GPCPD1: variants seen among roughly 807,000 people sequenced by gnomAD.
The protein encoded by GPCPD1 is glycerophosphocholine phosphodiesterase 1, also known as glycerophosphocholine phosphodiesterase GPCPD1.
GPCPD1 carries 29 observed loss-of-function variants against 89.2 expected under a neutral mutation model. The ratio of observed to expected loss-of-function variants is 0.33; its 90% CI spans 0.24 to 0.44. GPCPD1 has a LOEUF of 0.44. GPCPD1 is among the 20% of genes least tolerant of loss of function. The pLI is 1.00. For synonymous variants in GPCPD1, 258 were observed against 266.3 expected, an observed-to-expected ratio of 0.97 and a Z score of 0.30; for missense variants, 594 against 808.9, an observed-to-expected ratio of 0.73 and a Z score of 3.22.
rs1312993766 is a variant in GPCPD1 at position 5,588,589 on chromosome 20, C to T, written c.232-2320G>A. On this transcript the variant is annotated intron_variant, in intron 4 of 19. Transcript: ENST00000379019. Reference sequence around the variant, plus strand: ...CCTGTAATCCCAGCACTTAGGGAGGCCAAGGCAGGCAGATCACTTGAGGTC... The same window carrying T: ...CCTGTAATCCCAGCACTTAGGGAGGTCAAGGCAGGCAGATCACTTGAGGTC... Among the ~76,000 whole-genome samples the T allele has an allele frequency of 6.0e-4, 92 of 152,096 alleles. 1 individual carries two copies. The highest frequency in any genetic ancestry group is 6.0e-3 in the Admixed American group (91 of 15,272).
intron 3 of GPCPD1, among the ~76,000 whole-genome samples, chr20:5,598,034 AAAG>A (rs749735532): frequency 1.4e-4 from 21 of 152,192 alleles, no homozygotes; most frequent in African/African-American, 4.8e-4. Context: ...AAAAAATTAA[AAAG>A]AAGAAAATAA....
chr20:5,555,548 A>T (rs1985712785), intron 19 of GPCPD1, among the ~76,000 whole-genome samples: 1 of 151,936 alleles, frequency 6.6e-6, no homozygotes, highest in Non-Finnish European at 1.5e-5. Flanking sequence ...CAAAAAAATA[A>T]TAATAAAATA....
chr20:5,580,822 A>C (rs1978423288), intron 6 of GPCPD1, among the ~76,000 whole-genome samples: 1 of 152,110 alleles, frequency 6.6e-6, no homozygotes, highest in African/African-American at 2.4e-5. Context: ...CCTTCAGAAA[A>C]GATCCTGGTT....
At position 5,574,735 on chromosome 20, in the gene GPCPD1, AAAAC is replaced by A. The variant is rs199675963; in HGVS notation, c.1001+674_1001+677del. Among the ~76,000 whole-genome samples the A allele has an allele frequency of 8.2e-3, 1,244 of 152,292 alleles. 18 individuals are homozygous for A. The highest frequency in any genetic ancestry group is 0.028 in the African/African-American group (1,150 of 41,566). ...CCTGAACGACAGAGACTCTGTCTCAAAAACAAACAAATAAAAAAGGTGGGGGCAG... is the reference window on the plus strand; with the variant it reads ...CCTGAACGACAGAGACTCTGTCTCAAAAACAAATAAAAAAGGTGGGGGCAG... On this transcript the variant is annotated intron_variant, in intron 10 of 19. Transcript: ENST00000379019.
At chr20:5,581,813 A>ATTT (rs1568664434) in intron 6 of GPCPD1, among the ~76,000 whole-genome samples, 6 of 82,806 alleles carry the variant, frequency 7.2e-5, no homozygotes, top group South Asian at 3.9e-4. Context: ...TGGGACTTTA[A>ATTT]CTTTTTTTTT....
intron 19 of GPCPD1, among the ~76,000 whole-genome samples, chr20:5,553,579 T>C (rs1259941290): frequency 6.6e-6 from 1 of 152,312 alleles, no homozygotes; most frequent in South Asian, 2.1e-4. Context: ...AACCAAGTTA[T>C]GAATGCAAAG....
chr20:5,591,465 G>T (rs970483210), intron 4 of GPCPD1, among the ~76,000 whole-genome samples: 1 of 152,156 alleles, frequency 6.6e-6, no homozygotes, highest in Non-Finnish European at 1.5e-5. Flanking sequence ...AAAACTTTTA[G>T]CTTTGGTTCC....
At chr20:5,582,973 G>A (rs1318563098) in intron 6 of GPCPD1, among the ~76,000 whole-genome samples, 4 of 151,914 alleles carry the variant, frequency 2.6e-5, no homozygotes, top group Admixed American at 6.6e-5. Context: ...GGTGGCACAC[G>A]CCTGTAATCC....
At chr20:5,610,460 C>T (rs1365348147) in intron 1 of GPCPD1, among the ~76,000 whole-genome samples, 1 of 152,038 alleles carries the variant, frequency 6.6e-6, no homozygotes, top group Non-Finnish European at 1.5e-5. Context: ...AGGGGATGTC[C>T]CCAGAGGACC....
chr20:5,572,946 A>G (rs1360264434), intron 11 of GPCPD1, among the ~76,000 whole-genome samples: 1 of 152,120 alleles, frequency 6.6e-6, no homozygotes, highest in Non-Finnish European at 1.5e-5. Context: ...ATCATAGCTC[A>G]TTGTAGCCTC....
intron 16 of GPCPD1, 84 bp from the exon 17 acceptor site, chr20:5,560,160 G>T: frequency 1.0e-6 from 1 of 955,600 alleles, no homozygotes; most frequent in Non-Finnish European, 1.5e-6. Context: ...GGCAAGCTAT[G>T]ATGAAAAAAC....
intron 12 of GPCPD1, among the ~76,000 whole-genome samples, chr20:5,568,179 G>C (rs1986499360): frequency 6.8e-6 from 1 of 146,384 alleles, no homozygotes; most frequent in Non-Finnish European, 1.5e-5. Flanking sequence ...ACTTCTACAG[G>C]AAATGAATTA....
intron 4 of GPCPD1, 68 bp from the exon 5 acceptor site, chr20:5,586,337 G>A (rs1271650244): frequency 9.6e-6 from 8 of 832,274 alleles, no homozygotes; most frequent in Non-Finnish European, 2.1e-6. Context: ...GACTCCATTA[G>A]ATGTTTGTGG....
At chr20:5,548,827 T>C (rs1214361393) in intron 19 of GPCPD1, 4 of 677,468 alleles carry the variant, frequency 5.9e-6, no homozygotes, top group South Asian at 2.7e-5. Context: ...AGCAGATCGA[T>C]GTAAGACGGC....
chr20:5,606,587 G>A (rs1980600156), intron 1 of GPCPD1, among the ~76,000 whole-genome samples: 1 of 152,178 alleles, frequency 6.6e-6, no homozygotes, highest in Non-Finnish European at 1.5e-5. Flanking sequence ...CTTCCCTCCA[G>A]GGGATTATTT....
chr20:5,578,547 G>C lies in GPCPD1; in HGVS notation c.538C>G (p.His180Asp), dbSNP rs777161477. 6.2e-7 allele frequency: 1 copy of C among 1,613,684 alleles called. No homozygotes were observed. The highest frequency in any genetic ancestry group is 1.1e-5 in the South Asian group (1 of 91,082). The part of the protein sequence containing the change: ...DDDRVSPTVL[H>D]KMSNSLEISL... ...ATCTCCAAGCTATTGGACATTTTGT[G>C]GAGTACAGTGGGAGATACCCTATCA... The change falls in exon 8 of 20, where the codon CAC becomes GAC. Residue 180 changes from histidine to aspartate, a missense_variant. Physicochemically the swap from His to Asp is moderately conservative, Grantham distance 81. Coordinates refer to ENST00000379019, the MANE Select transcript of GPCPD1 (RefSeq NM_019593.5).
At chr20:5,584,439 C>T (rs1978771906) in intron 5 of GPCPD1, 117 bp from the exon 6 acceptor site, 1 of 547,752 alleles carries the variant, frequency 1.8e-6, no homozygotes, top group Non-Finnish European at 3.3e-6. Flanking sequence ...AGCTTAAAAG[C>T]AGCCCAAGGT....
intron 1 of GPCPD1, among the ~76,000 whole-genome samples, chr20:5,607,197 G>A (rs1197471376): frequency 6.6e-6 from 1 of 152,160 alleles, no homozygotes; most frequent in African/African-American, 2.4e-5. Flanking sequence ...TGAGGCGGGA[G>A]AATCACTTGA....
chr20:5,571,786 G>A (rs567628431), intron 11 of GPCPD1, among the ~76,000 whole-genome samples: 2 of 152,188 alleles, frequency 1.3e-5, no homozygotes, highest in East Asian at 1.9e-4. Flanking sequence ...GCAAACGCCT[G>A]TAATCTCAGC....
Sources: allele counts gnomAD v4.1 joint callset (sites outside exome capture counted in the v4.1 genomes callset), GRCh38; gene constraint gnomAD v4.1.1; transcripts MANE v1.5; gene names NCBI Gene and HGNC (gene_info 2026-07-23, HGNC 2026-07-21).